The following DLGAP1 variants were observed in gnomAD, a reference collection of about 807,000 sequenced individuals.
DLGAP1 encodes the protein DLG associated protein 1, also known as disks large-associated protein 1.
In DLGAP1, 11 loss-of-function variants were observed where a neutral mutation model predicts 90.8. That is an observed-to-expected ratio of 0.12 (90% CI 0.08 to 0.20). The LOEUF (loss-of-function observed/expected upper bound fraction) is 0.20, where lower values mean the gene tolerates loss of function less well. Among genes scored for constraint, DLGAP1 ranks in the 10% least tolerant of loss-of-function variants. The probability of loss-of-function intolerance (pLI) is 1.00; values close to 1 mark genes in which losing one functional copy is unlikely to be tolerated. For missense variants in DLGAP1, 1,050 were observed against 1,333.8 expected, an observed-to-expected ratio of 0.79 and a Z score of 3.31; for synonymous variants, 558 against 540.7, an observed-to-expected ratio of 1.03 and a Z score of -0.44.
At chr18:4,063,606 C>T (rs1450383702) in intron 2 of DLGAP1, among the ~76,000 whole-genome samples, 1 of 152,040 alleles carries the variant, frequency 6.6e-6, no homozygotes, top group Non-Finnish European at 1.5e-5. Context: ...CATGCCTTTC[C>T]TCAGATCTAG....
chr18:4,327,161 T>C (rs1402470759), intron 1 of DLGAP1, among the ~76,000 whole-genome samples: 1 of 152,098 alleles, frequency 6.6e-6, no homozygotes, highest in Non-Finnish European at 1.5e-5. Flanking sequence ...ATGTTGACCA[T>C]AATTAATAAT....
intron 7 of DLGAP1, among the ~76,000 whole-genome samples, chr18:3,652,977 G>A (rs1361964674): frequency 2.0e-5 from 3 of 152,274 alleles, no homozygotes; most frequent in Non-Finnish European, 2.9e-5. Flanking sequence ...TTTCCAGCTC[G>A]GGTGGCCCCT....
intron 1 of DLGAP1, among the ~76,000 whole-genome samples, chr18:4,216,629 T>C (rs1359540456): frequency 6.6e-6 from 1 of 152,122 alleles, no homozygotes; most frequent in Non-Finnish European, 1.5e-5. Context: ...GATTCCATTA[T>C]TAAGACAAGC....
chr18:3,874,169 A>G (rs554362889), intron 4 of DLGAP1: 2 of 1,550,120 alleles, frequency 1.3e-6, no homozygotes, highest in African/African-American at 2.7e-5. Flanking sequence ...CAGTCCTTCC[A>G]TTTCTTGAAA....
In DLGAP1 at chr18:3,570,627, T is replaced by A. The variant is rs569991853; in HGVS notation, c.1966-3046A>T. Among the ~76,000 whole-genome samples, 206 of 151,950 alleles carry A rather than the reference T, an allele frequency of 1.4e-3. 2 individuals carry two copies. Among genetic ancestry groups the A allele is most frequent in the African/African-American group, 4.7e-3 (194 of 41,510 alleles). On this transcript the variant is annotated intron_variant, in intron 8 of 12. Coordinates refer to ENST00000315677, the MANE Select transcript of DLGAP1 (RefSeq NM_004746.4). ...ATGGCAAGTCTCCTCCTGTAGTTCC[T>A]TTTTCAAAAAGTATAATTAGGCTAG...
intron 2 of DLGAP1, among the ~76,000 whole-genome samples, chr18:4,142,521 T>C (rs1183048216): frequency 6.6e-6 from 1 of 152,216 alleles, no homozygotes; most frequent in African/African-American, 2.4e-5. Flanking sequence ...ATTCCACAAA[T>C]AGATTTTAGT....
At chr18:4,080,214 C>T (rs139596469) in intron 2 of DLGAP1, among the ~76,000 whole-genome samples, 375 of 152,178 alleles carry the variant, frequency 2.5e-3, no homozygotes, top group African/African-American at 8.8e-3. Flanking sequence ...TCTGGGGAAC[C>T]ATGATTTAAT....
At chr18:4,060,065 A>G (rs148574047) in intron 2 of DLGAP1, among the ~76,000 whole-genome samples, 1 of 152,346 alleles carries the variant, frequency 6.6e-6, no homozygotes, top group African/African-American at 2.4e-5. Context: ...AAGCTCTGCC[A>G]CTGGAAACAG....
chr18:3,599,032 C>T (rs182846308), intron 7 of DLGAP1, among the ~76,000 whole-genome samples: 3 of 152,258 alleles, frequency 2.0e-5, no homozygotes, highest in Admixed American at 2.0e-4. Context: ...CTTCAGCCTC[C>T]CAAAGTGCTG....
intron 8 of DLGAP1, chr18:3,580,258 A>T (rs530159825): frequency 6.2e-7 from 1 of 1,604,708 alleles, no homozygotes; most frequent in South Asian, 1.1e-5. Flanking sequence ...CAGTCAGTGG[A>T]GTGGGGGACG....
chr18:4,363,243 G>A (rs1212886810), intron 1 of DLGAP1, among the ~76,000 whole-genome samples: 1 of 152,114 alleles, frequency 6.6e-6, no homozygotes, highest in Non-Finnish European at 1.5e-5. Context: ...GAAGGGCCCG[G>A]GCTATCCACA....
At chr18:3,875,208 A>AT (rs2070966755) in intron 4 of DLGAP1, among the ~76,000 whole-genome samples, 1 of 152,182 alleles carries the variant, frequency 6.6e-6, no homozygotes, top group South Asian at 2.1e-4. Context: ...GCACACATAC[A>AT]TTTACCACAA....
intron 7 of DLGAP1, among the ~76,000 whole-genome samples, chr18:3,590,671 A>C (rs971045144): frequency 6.6e-6 from 1 of 152,164 alleles, no homozygotes; most frequent in African/African-American, 2.4e-5. Context: ...CCTGGCGAAC[A>C]TGGTGAAACC....
chr18:4,106,015 G>A (rs2075858773), intron 2 of DLGAP1, among the ~76,000 whole-genome samples: 1 of 127,830 alleles, frequency 7.8e-6, no homozygotes, highest in African/African-American at 2.9e-5. Context: ...CTGGGCGACA[G>A]AGCGAGGGTC....
intron 3 of DLGAP1, among the ~76,000 whole-genome samples, chr18:3,946,725 T>C (rs1209309920): frequency 1.3e-5 from 2 of 152,334 alleles, no homozygotes; most frequent in East Asian, 3.9e-4. Flanking sequence ...AGTCCTATCA[T>C]TTTCTTTGTG....
intron 7 of DLGAP1, chr18:3,604,274 A>C (rs1856642749): frequency 6.6e-6 from 1 of 152,202 alleles, no homozygotes; most frequent in African/African-American, 2.4e-5. Flanking sequence ...TGTCCTTTCC[A>C]AGTGGAGTCT....
chr18:4,322,555 T>C (rs1343431218), intron 1 of DLGAP1, among the ~76,000 whole-genome samples: 2 of 149,718 alleles, frequency 1.3e-5, no homozygotes, highest in Non-Finnish European at 2.9e-5. Context: ...GAAGAAAACA[T>C]AGGGGGAAAG....
intron 7 of DLGAP1, among the ~76,000 whole-genome samples, chr18:3,643,518 C>A (rs773809197): frequency 2.0e-4 from 30 of 152,036 alleles, no homozygotes; most frequent in Non-Finnish European, 4.1e-4. Flanking sequence ...AAAAAATTAG[C>A]CGGGCGTGGT....
intron 3 of DLGAP1, among the ~76,000 whole-genome samples, chr18:3,885,734 A>G: frequency 6.6e-6 from 1 of 152,148 alleles, no homozygotes; most frequent in Admixed American, 6.5e-5. Flanking sequence ...GTTCAATTTT[A>G]CCATTGTACC....
Sources: gnomAD v4.1 joint callset for allele counts (sites outside exome capture counted in the v4.1 genomes callset) on GRCh38, gnomAD v4.1.1 for gene constraint, MANE v1.5 for transcripts, NCBI Gene and HGNC (gene_info 2026-07-23, HGNC 2026-07-21) for gene names.